The following ANKRD30B variants were observed in gnomAD, a reference collection of about 807,000 sequenced individuals.
ANKRD30B encodes the protein ankyrin repeat domain 30B.
ANKRD30B carries 144 observed loss-of-function variants against 202.2 expected under a neutral mutation model. The observed-to-expected ratio is 0.71, with a 90% CI of 0.62 to 0.82. ANKRD30B has a LOEUF of 0.82. ANKRD30B is among the 40% of genes least tolerant of loss of function. ANKRD30B has a pLI of 0.00. For synonymous variants in ANKRD30B, 508 were observed against 561.3 expected (o/e 0.91, Z 1.34); for missense variants, 1,487 against 1,669.1 (o/e 0.89, Z 1.90).
the ANKRD30B span, among the ~76,000 whole-genome samples, chr18:14,941,121 A>G: frequency 6.6e-6 from 1 of 152,232 alleles, no homozygotes; most frequent in Non-Finnish European, 1.5e-5. Flanking sequence ...TAAGAAATAA[A>G]CTTATTGAAC....
intron 7 of ANKRD30B, 63 bp downstream of exon 7, chr18:14,764,153 T>G: frequency 7.1e-7 from 1 of 1,414,962 alleles, no homozygotes; most frequent in Non-Finnish European, 9.3e-7. Flanking sequence ...GTGAAAAAAG[T>G]GTGATATGGG....
At chr18:14,767,480 CTTGTA>C (rs1372105257) in intron 7 of ANKRD30B, among the ~76,000 whole-genome samples, 7 of 152,102 alleles carry the variant, frequency 4.6e-5, no homozygotes, top group African/African-American at 9.7e-5. Context: ...CTCAAAGTGT[CTTGTA>C]TTGTACTCAC....
At chr18:14,752,329 T>A (rs1251282729) in intron 1 of ANKRD30B, among the ~76,000 whole-genome samples, 1 of 152,166 alleles carries the variant, frequency 6.6e-6, no homozygotes, top group Non-Finnish European at 1.5e-5. Context: ...AAAGTAATAT[T>A]CAAGCTCAAG....
chr18:14,831,771 T>C (rs1434464508), intron 34 of ANKRD30B, among the ~76,000 whole-genome samples: 1 of 152,136 alleles, frequency 6.6e-6, no homozygotes, highest in Non-Finnish European at 1.5e-5. Flanking sequence ...TTTTCCACAA[T>C]AGAGAATATA....
chr18:14,756,497 G>T (rs1387255603), intron 4 of ANKRD30B, among the ~76,000 whole-genome samples: 3 of 152,106 alleles, frequency 2.0e-5, no homozygotes, highest in Admixed American at 6.5e-5. Context: ...TGTCCTGAAT[G>T]GTATTGCCTA....
intron 22 of ANKRD30B, among the ~76,000 whole-genome samples, chr18:14,800,176 G>A (rs543180629): frequency 6.6e-6 from 1 of 151,278 alleles, no homozygotes; most frequent in Admixed American, 6.6e-5. Context: ...AAGTTGCAGT[G>A]AGCCAAGCTT....
chr18:14,792,666 G>T (rs1009712215), intron 16 of ANKRD30B, among the ~76,000 whole-genome samples: 1 of 151,620 alleles, frequency 6.6e-6, no homozygotes, highest in Admixed American at 6.6e-5. Context: ...GAATCATGAG[G>T]ATTACTAGAA....
chr18:14,768,626 T>G (rs1916621449), intron 7 of ANKRD30B, among the ~76,000 whole-genome samples: 2 of 152,200 alleles, frequency 1.3e-5, no homozygotes, highest in Non-Finnish European at 2.9e-5. Flanking sequence ...GGACAAAATC[T>G]TCCACACATT....
chr18:14,914,202 C>T, the ANKRD30B span, among the ~76,000 whole-genome samples: 1 of 152,220 alleles, frequency 6.6e-6, no homozygotes, highest in African/African-American at 2.4e-5. Context: ...TAATCTTTCT[C>T]TGTTCCTCCA....
At chr18:14,788,847 A>G (rs1215742144) in intron 15 of ANKRD30B, among the ~76,000 whole-genome samples, 1 of 152,140 alleles carries the variant, frequency 6.6e-6, no homozygotes, top group African/African-American at 2.4e-5. Flanking sequence ...TAGTGCCACA[A>G]TAAACATATG....
At chr18:14,791,675 C>A (rs2143931827) in intron 16 of ANKRD30B, among the ~76,000 whole-genome samples, 184 bp downstream of exon 16, 1 of 152,026 alleles carries the variant, frequency 6.6e-6, no homozygotes, top group African/African-American at 2.4e-5. Context: ...ATTGAGAGTG[C>A]TGAAAAGGAA....
chr18:14,771,477 C>T (rs9303860), intron 8 of ANKRD30B, among the ~76,000 whole-genome samples: 86,916 of 151,162 alleles, frequency 0.57, 25,256 homozygotes, highest in African/African-American at 0.66. Flanking sequence ...AGTAGTTAGA[C>T]TTTCTTACTT....
At chr18:14,902,691 A>C in the ANKRD30B span, among the ~76,000 whole-genome samples, 1 of 152,098 alleles carries the variant, frequency 6.6e-6, no homozygotes, top group African/African-American at 2.4e-5. Context: ...GCCGTGAGAC[A>C]ATGATCCCAG....
At position 14,808,387 on chromosome 18, in the gene ANKRD30B, A is replaced by G. The variant is rs45582932; in HGVS notation, c.2285-164A>G. The G allele has an allele frequency of 1.8e-5, 13 of 731,396 alleles. 1 individual carries two copies. Among genetic ancestry groups the G allele is most frequent in the South Asian group, 7.3e-5 (5 of 68,800 alleles). 45.3% of individuals were successfully genotyped at this position (731,396 alleles called of 1,614,324 possible). A position where few individuals can be genotyped will look rare whatever the true frequency, so the allele number is the denominator to read the frequency against. On this transcript the variant is annotated intron_variant, in intron 24 of 43. Coordinates refer to ENST00000690538, the MANE Select transcript of ANKRD30B (RefSeq NM_001367607.2). ...ATTTTCTTAAGTATATTTCTGTCCC[A>G]TTGGCATGTTAACAAATACAAAAAC...
the ANKRD30B span, among the ~76,000 whole-genome samples, chr18:14,900,119 C>A: frequency 6.6e-6 from 1 of 152,070 alleles, no homozygotes; most frequent in African/African-American, 2.4e-5. Flanking sequence ...ATTAATCCCC[C>A]AAGTACCTTT....
chr18:14,871,931 A>G, the ANKRD30B span, among the ~76,000 whole-genome samples: 1 of 152,234 alleles, frequency 6.6e-6, no homozygotes, highest in Non-Finnish European at 1.5e-5. Flanking sequence ...ATACACAAAC[A>G]TGTATAGCTA....
intron 16 of ANKRD30B, among the ~76,000 whole-genome samples, chr18:14,794,753 T>C (rs1968760533): frequency 6.6e-6 from 1 of 152,194 alleles, no homozygotes; most frequent in South Asian, 2.1e-4. Flanking sequence ...GGACATAAAT[T>C]GTGTGTGTTT....
At chr18:14,796,098 A>T in intron 16 of ANKRD30B, 123 bp from the exon 17 acceptor site, 3 of 1,089,006 alleles carry the variant, frequency 2.8e-6, no homozygotes, top group Non-Finnish European at 4.2e-6. Context: ...AGACCCCAAA[A>T]CCTAGTGTAA....
At chr18:14,773,095 C>T (rs1212127529) in intron 9 of ANKRD30B, among the ~76,000 whole-genome samples, 1 of 152,048 alleles carries the variant, frequency 6.6e-6, no homozygotes, top group African/African-American at 2.4e-5. Flanking sequence ...GCAGATTTTA[C>T]CCCAAGTAAA....
Sources: allele counts gnomAD v4.1 joint callset (sites outside exome capture counted in the v4.1 genomes callset), GRCh38; gene constraint gnomAD v4.1.1; transcripts MANE v1.5; gene names NCBI Gene and HGNC (gene_info 2026-07-23, HGNC 2026-07-21).